The following PABPC4L variants were observed in gnomAD, a reference collection of about 807,000 sequenced individuals.
PABPC4L encodes the protein poly(A) binding protein cytoplasmic 4 like, also known as polyadenylate-binding protein 4-like.
For missense variants in PABPC4L, 452 were observed against 451.4 expected (o/e 1.00, Z -0.01); for synonymous variants, 169 against 164.1 (o/e 1.03, Z -0.23).
the PABPC4L span, among the ~76,000 whole-genome samples, chr4:134,027,969 A>C: frequency 6.6e-6 from 1 of 152,214 alleles, no homozygotes; most frequent in Admixed American, 6.5e-5. Flanking sequence ...TAAGTTACTA[A>C]GTTTTTGAGA....
At chr4:134,177,181 CTTTTCTTTTTTT>C in the PABPC4L span, among the ~76,000 whole-genome samples, 2 of 103,138 alleles carry the variant, frequency 1.9e-5, no homozygotes, top group Admixed American at 1.3e-4. Context: ...TTTTTCTTTT[CTTTTCTTTTTTT>C]TTTTTTTTTA....
the PABPC4L span, among the ~76,000 whole-genome samples, chr4:134,030,440 T>C: frequency 6.6e-6 from 1 of 152,108 alleles, no homozygotes; most frequent in Non-Finnish European, 1.5e-5. Context: ...TTGTGACCCA[T>C]TTTAATTTTT....
chr4:134,190,581 G>A, the PABPC4L span, among the ~76,000 whole-genome samples: 1 of 151,764 alleles, frequency 6.6e-6, no homozygotes, highest in East Asian at 1.9e-4. Flanking sequence ...AAATCATAAA[G>A]CATGACTATA....
the PABPC4L span, among the ~76,000 whole-genome samples, chr4:134,174,183 C>T: frequency 2.0e-5 from 3 of 151,816 alleles, no homozygotes; most frequent in African/African-American, 7.3e-5. Flanking sequence ...ACTTCCATAT[C>T]TCATCTCATA....
At chr4:134,173,159 C>CAAAAAAAAAAAAA in the PABPC4L span, among the ~76,000 whole-genome samples, 7 of 77,980 alleles carry the variant, frequency 9.0e-5, no homozygotes, top group Non-Finnish European at 1.3e-4. Context: ...GGAGATTCCT[C>CAAAAAAAAAAAAA]AAAAAAAAAA....
chr4:134,041,343 G>A, the PABPC4L span, among the ~76,000 whole-genome samples: 704 of 152,240 alleles, frequency 4.6e-3, 35 homozygotes, highest in East Asian at 0.11. Flanking sequence ...ATCAATGGTA[G>A]ACTGGATAAA....
chr4:134,096,137 A>T, the PABPC4L span, among the ~76,000 whole-genome samples: 1 of 152,106 alleles, frequency 6.6e-6, no homozygotes, highest in Admixed American at 6.6e-5. Flanking sequence ...CATTTTAAAT[A>T]AATAGGTGTG....
At chr4:134,006,114 C>A in the PABPC4L span, among the ~76,000 whole-genome samples, 2 of 151,678 alleles carry the variant, frequency 1.3e-5, no homozygotes, top group African/African-American at 4.8e-5. Flanking sequence ...CTTTTTAGGT[C>A]ATGGGGATTA....
the PABPC4L span, among the ~76,000 whole-genome samples, chr4:134,096,245 G>C: frequency 4.6e-5 from 7 of 151,950 alleles, no homozygotes; most frequent in African/African-American, 1.7e-4. Context: ...GAAGATGAAA[G>C]TGATGGGACT....
chr4:134,056,180 A>G, the PABPC4L span, among the ~76,000 whole-genome samples: 11 of 151,906 alleles, frequency 7.2e-5, no homozygotes, highest in Non-Finnish European at 1.2e-4. Context: ...TCTGATATTG[A>G]TCTGAGTGTT....
chr4:134,188,688 T>C, the PABPC4L span, among the ~76,000 whole-genome samples: 1 of 152,102 alleles, frequency 6.6e-6, no homozygotes, highest in African/African-American at 2.4e-5. Context: ...GTTACTCATC[T>C]ATAGATAAGG....
the PABPC4L span, among the ~76,000 whole-genome samples, chr4:134,081,947 A>G: frequency 7.2e-5 from 11 of 152,134 alleles, no homozygotes; most frequent in Non-Finnish European, 1.5e-4. Context: ...AGAAGAGTTC[A>G]CAAAATTCAA....
chr4:134,045,038 C>G, the PABPC4L span, among the ~76,000 whole-genome samples: 2 of 151,932 alleles, frequency 1.3e-5, no homozygotes, highest in Non-Finnish European at 2.9e-5. Flanking sequence ...GTCTTTCTTC[C>G]AAGGACAGTT....
the PABPC4L span, among the ~76,000 whole-genome samples, chr4:134,145,433 G>A: frequency 9.3e-5 from 14 of 151,048 alleles, no homozygotes; most frequent in Admixed American, 1.3e-4. Flanking sequence ...TGAAAATAAC[G>A]ATATTAAACC....
At chr4:134,138,968 A>T in the PABPC4L span, among the ~76,000 whole-genome samples, 1 of 152,016 alleles carries the variant, frequency 6.6e-6, no homozygotes, top group Admixed American at 6.6e-5. Flanking sequence ...AATAGGTTTC[A>T]CTAAGCACCT....
chr4:134,027,467 A>T, the PABPC4L span, among the ~76,000 whole-genome samples: 4 of 152,122 alleles, frequency 2.6e-5, no homozygotes, highest in Admixed American at 2.6e-4. Flanking sequence ...CATTTGCTTT[A>T]TCTATTCATT....
chr4:134,130,113 A>G, the PABPC4L span, among the ~76,000 whole-genome samples: 1 of 151,746 alleles, frequency 6.6e-6, no homozygotes, highest in Non-Finnish European at 1.5e-5. Context: ...AGTTAATCTA[A>G]GGTCACACAT....
chr4:134,025,130 AGACCT>A, the PABPC4L span, among the ~76,000 whole-genome samples: 1 of 150,648 alleles, frequency 6.6e-6, no homozygotes, highest in South Asian at 2.1e-4. Flanking sequence ...CAATAGTTTG[AGACCT>A]GCCTGGCATA....
the PABPC4L span, among the ~76,000 whole-genome samples, chr4:134,020,518 G>A: frequency 1.3e-5 from 2 of 152,000 alleles, no homozygotes; most frequent in Admixed American, 6.6e-5. Flanking sequence ...ACATCTAGAA[G>A]CTAGGAATGC....
Sources: allele counts gnomAD v4.1 joint callset (sites outside exome capture counted in the v4.1 genomes callset), GRCh38; gene constraint gnomAD v4.1.1; transcripts MANE v1.5; gene names NCBI Gene and HGNC (gene_info 2026-07-23, HGNC 2026-07-21).